CACNA1A: variants seen among roughly 807,000 people sequenced by gnomAD.
CACNA1A encodes the protein calcium voltage-gated channel subunit alpha1 A.
Under a neutral mutation model 262.4 loss-of-function variants are expected in CACNA1A, and 57 were observed. The ratio of observed to expected loss-of-function variants is 0.22; its 90% CI spans 0.18 to 0.27. The LOEUF (loss-of-function observed/expected upper bound fraction) is 0.27. Among genes scored for constraint, CACNA1A ranks in the 10% least tolerant of loss-of-function variants. The pLI is 1.00. For missense variants in CACNA1A, 2,526 were observed against 3,562.8 expected, an observed-to-expected ratio of 0.71 and a Z score of 7.41; for synonymous variants, 1,431 against 1,419.3, an observed-to-expected ratio of 1.01 and a Z score of -0.18.
In CACNA1A at chr19:13,224,653, T is replaced by C. The variant is rs762304728; in HGVS notation, c.5731+14A>G. On this transcript the variant is annotated intron_variant, in intron 38 of 46. Transcript: ENST00000360228. Reference sequence around the variant, plus strand: ...TGTCACGCCTGTCTGTGCCCGCCCCTGTCCCTTCCTTACCCTTGGCAATCT... The same window carrying C: ...TGTCACGCCTGTCTGTGCCCGCCCCCGTCCCTTCCTTACCCTTGGCAATCT... 62 of 1,583,252 alleles carry C rather than the reference T, an allele frequency of 3.9e-5. No homozygotes were observed. The Middle Eastern group carries it at 8.3e-4, about 21-fold the overall frequency.
At position 13,207,174 on chromosome 19, in the gene CACNA1A, C is replaced by T. The variant is rs1169656137; in HGVS notation, c.*139G>A. 13 of 964,168 alleles carry T rather than the reference C, an allele frequency of 1.3e-5. No individual in the cohort carries two copies. The South Asian group carries it at 2.0e-4, about 15-fold the overall frequency. 59.7% of individuals were successfully genotyped at this position (964,168 alleles called of 1,614,324 possible). A position where few individuals can be genotyped will look rare whatever the true frequency, so the allele number is the denominator to read the frequency against. On this transcript the variant is annotated 3_prime_UTR_variant, in exon 47 of 47. Transcript: ENST00000360228. The surrounding 1 kb of genome is among the most constrained non-coding windows in gnomAD (Gnocchi z 5.7). ...GACACCCTTGTGGCCCAGCCCTGGCCTCTCCAGAGTCTGGGGTCTCCCGGC... is the reference window on the plus strand; with the variant it reads ...GACACCCTTGTGGCCCAGCCCTGGCTTCTCCAGAGTCTGGGGTCTCCCGGC...
At chr19:13,267,363 T>C (rs889281629) in intron 24 of CACNA1A, among the ~76,000 whole-genome samples, 3 of 152,124 alleles carry the variant, frequency 2.0e-5, no homozygotes, top group Non-Finnish European at 4.4e-5. Flanking sequence ...TCCTTCCATC[T>C]GGAAGCCGCC....
chr19:13,503,656 C>T (rs1303146241), intron 1 of CACNA1A, among the ~76,000 whole-genome samples: 1 of 150,002 alleles, frequency 6.7e-6, no homozygotes, highest in African/African-American at 2.5e-5. Flanking sequence ...CACCGCCCTC[C>T]GCTCCATCCA....
chr19:13,446,437 T>C (rs2060814583), intron 3 of CACNA1A, among the ~76,000 whole-genome samples: 1 of 131,610 alleles, frequency 7.6e-6, no homozygotes, highest in South Asian at 2.5e-4. Context: ...GCGTGTTTTT[T>C]CTTTCTTTTT....
At chr19:13,318,995 C>T (rs1600318311) in intron 10 of CACNA1A, among the ~76,000 whole-genome samples, 1 of 148,662 alleles carries the variant, frequency 6.7e-6, no homozygotes, top group African/African-American at 2.5e-5. Context: ...TTCAAGCGAT[C>T]CTCCCACCTC....
In CACNA1A at chr19:13,286,608, T is replaced by C; in HGVS notation, c.3448A>G (p.Ser1150Gly). 1 of 1,467,468 alleles carries C rather than the reference T, an allele frequency of 6.8e-7. No homozygotes were observed. Among genetic ancestry groups the C allele is most frequent in the Non-Finnish European group, 9.0e-7 (1 of 1,108,600 alleles). The allele number at this position is 1,467,468 out of a possible 1,614,324, so 90.9% of individuals were successfully genotyped here. Residue 1150 changes from serine to glycine, a missense_variant, in exon 20 of 47, where the codon AGC (serine) becomes GGC (glycine). Around this residue, in one of 17 missense-constraint regions of CACNA1A, gnomAD observed 765 missense variants for 748.6 expected, o/e 1.02. Transcript: ENST00000360228. ...PENSLIVTNP[S>G]GTQTNSAKTA... The stretch of plus-strand genomic sequence containing the variant: ...TTAGCTGAATTGGTCTGGGTGCCGC[T>C]GGGGTTGGTGACGATAAGGCTATTC...
chr19:13,372,459 A>G (rs1263071932), intron 3 of CACNA1A, among the ~76,000 whole-genome samples: 1 of 152,174 alleles, frequency 6.6e-6, no homozygotes, highest in Non-Finnish European at 1.5e-5. Flanking sequence ...GGCGTGAGCC[A>G]TGGTGCCTGG....
At chr19:13,453,103 T>C (rs2060944761) in intron 2 of CACNA1A, 88 bp from the exon 3 acceptor site, 1 of 1,363,740 alleles carries the variant, frequency 7.3e-7, no homozygotes, top group Non-Finnish European at 1.0e-6. Context: ...AATCAGTACC[T>C]ATCACCCTCT....
At position 13,286,791 on chromosome 19, in the gene CACNA1A, C is replaced by A. The variant is rs201311000; in HGVS notation, c.3265G>T (p.Gly1089Cys). ...ATCTTGGCTGGGCTCTGGGGCAGGCCGGCGTGGCCAAGGCTGCCGTGGGGA... is the reference window on the plus strand; with the variant it reads ...ATCTTGGCTGGGCTCTGGGGCAGGCAGGCGTGGCCAAGGCTGCCGTGGGGA... ...AAPHGSLGHA[G>C]LPQSPAKMGN... The change falls in exon 20 of 47, where the codon GGC (glycine) becomes TGC (cysteine). Residue 1089 changes from glycine (G) to cysteine (C), a missense_variant. Transcript: ENST00000360228. The A allele has an allele frequency of 2.5e-4, 406 of 1,612,540 alleles. No individual in the cohort carries two copies. Among genetic ancestry groups the A allele is most frequent in the Middle Eastern group, 5.0e-4 (3 of 6,054 alleles).
At chr19:13,368,954 C>T (rs190929147) in intron 4 of CACNA1A, among the ~76,000 whole-genome samples, 1,372 of 130,346 alleles carry the variant, frequency 0.011, 205 homozygotes, top group African/African-American at 0.049. Context: ...AGGAGAATGG[C>T]GTGAACCCGG....
chr19:13,293,747 C>CA (rs2057597777), intron 19 of CACNA1A, among the ~76,000 whole-genome samples: 2 of 151,566 alleles, frequency 1.3e-5, no homozygotes, highest in Admixed American at 6.6e-5. Context: ...TGAGCCACCG[C>CA]GCCCGGCTCA....
intron 15 of CACNA1A, among the ~76,000 whole-genome samples, chr19:13,306,377 T>G (rs1490672281): frequency 6.6e-6 from 1 of 152,084 alleles, no homozygotes; most frequent in Admixed American, 6.6e-5. Flanking sequence ...CCATTTTTTT[T>G]CTCTGCCTTT....
rs371922200 is a variant in CACNA1A, at chr19:13,401,484, T to C, written c.540-29705A>G. On this transcript the variant is annotated intron_variant, in intron 3 of 46. Coordinates refer to ENST00000360228, the MANE Select transcript of CACNA1A (RefSeq NM_001127222.2). ...GTAGACTGAATCCCTGGTGCAAACA[T>C]GGTGAGCTTCCCACTAAAGATTCAC... Among the ~76,000 whole-genome samples the C allele has an allele frequency of 1.1e-4, 16 of 152,296 alleles. 1 individual carries two copies. The highest frequency in any genetic ancestry group is 3.6e-4 in the African/African-American group (15 of 41,576).
At chr19:13,489,880 T>C (rs1427954802) in intron 1 of CACNA1A, among the ~76,000 whole-genome samples, 1 of 152,198 alleles carries the variant, frequency 6.6e-6, no homozygotes, top group South Asian at 2.1e-4. Flanking sequence ...GTATCTCCTG[T>C]CACCTCCAAA....
At chr19:13,498,586 A>G (rs1008760432) in intron 1 of CACNA1A, among the ~76,000 whole-genome samples, 21 of 152,296 alleles carry the variant, frequency 1.4e-4, no homozygotes, top group African/African-American at 4.1e-4. Flanking sequence ...AACGGCAGAT[A>G]AAGCCGTGTC....
At position 13,228,800 on chromosome 19, in the gene CACNA1A, AAGG is replaced by A. The variant is rs1436224214; in HGVS notation, c.5529-1276_5529-1274del. 1 of 1,531,056 alleles carries A rather than the reference AAGG, an allele frequency of 6.5e-7. No homozygotes were observed. Among genetic ancestry groups the A allele is most frequent in the African/African-American group, 1.4e-5 (1 of 71,746 alleles). 94.8% of individuals were successfully genotyped at this position (1,531,056 alleles called of 1,614,324 possible). ...TCCTTATAATGAATCCGACCGCTGAAAGGAGAAGAAAGGGGGTTAGTGCAGGCA... is the reference window on the plus strand; with the variant it reads ...TCCTTATAATGAATCCGACCGCTGAAAGAAGAAAGGGGGTTAGTGCAGGCA... On this transcript the variant is annotated intron_variant, in intron 36 of 46. Transcript: ENST00000360228.
chr19:13,230,132 G>A lies in CACNA1A; in HGVS notation c.5478C>T (p.His1826=), dbSNP rs1333738830. The A allele has an allele frequency of 1.2e-6, 2 of 1,613,928 alleles. No homozygotes were observed. Among genetic ancestry groups the A allele is most frequent in the Non-Finnish European group, 8.5e-7 (1 of 1,179,876 alleles). The part of the protein sequence containing the change: ...LTRDSSILGP[H]HLDEYVRVWA... ...AGACACGCACGTACTCATCCAGGTGGTGGGGGCCCAGGATGGAGGAGTCTC... is the reference window on the plus strand; with the variant it reads ...AGACACGCACGTACTCATCCAGGTGATGGGGGCCCAGGATGGAGGAGTCTC... Residue 1826 remains histidine (H), a synonymous_variant, in exon 36 of 47, where the codon CAC becomes CAT. Coordinates refer to ENST00000360228, the MANE Select transcript of CACNA1A (RefSeq NM_001127222.2).
chr19:13,442,789 T>C (rs1170642206), intron 3 of CACNA1A, among the ~76,000 whole-genome samples: 1 of 152,104 alleles, frequency 6.6e-6, no homozygotes, highest in African/African-American at 2.4e-5. Flanking sequence ...GCTCCTGTTT[T>C]CCCCCAGCCA....
chr19:13,506,438 C>T lies in CACNA1A; in HGVS notation c.-214G>A, dbSNP rs549736693. ...CAGAAGGCGGCTGCCCGGGCCGAGC[C>T]GGGGATAGCAGCTCGGGACATCTTC... On this transcript the variant is annotated 5_prime_UTR_variant, in exon 1 of 47. Coordinates refer to ENST00000360228, the MANE Select transcript of CACNA1A (RefSeq NM_001127222.2). 4.3e-5 allele frequency: 11 copies of T among 253,306 alleles called. No homozygotes were observed. The East Asian group carries it at 6.2e-4, about 14-fold the overall frequency. 15.7% of individuals were successfully genotyped at this position (253,306 alleles called of 1,614,324 possible).
Sources: allele counts gnomAD v4.1 joint callset (sites outside exome capture counted in the v4.1 genomes callset), GRCh38; gene constraint gnomAD v4.1.1; regional missense constraint gnomAD v4.1.1; non-coding constraint Gnocchi (gnomAD v3.1); transcripts MANE v1.5; gene names NCBI Gene and HGNC (gene_info 2026-07-23, HGNC 2026-07-21).